DHX8: variants seen among roughly 807,000 people sequenced by gnomAD.
The protein encoded by DHX8 is DEAH-box helicase 8, also known as ATP-dependent RNA helicase DHX8.
A neutral mutation model predicts 140.7 loss-of-function variants in DHX8; 67 were observed. The ratio of observed to expected loss-of-function variants is 0.48; its 90% CI spans 0.39 to 0.58. DHX8 has a LOEUF of 0.58. Ranked by LOEUF, DHX8 falls within the 20% of genes least tolerant of loss-of-function variation. The pLI is 0.00. For missense variants in DHX8, 887 were observed against 1,550.7 expected (o/e 0.57, Z 7.19); for synonymous variants, 533 against 553.2 (o/e 0.96, Z 0.51).
intron 3 of DHX8, among the ~76,000 whole-genome samples, chr17:43,541,698 G>A (rs769621065): frequency 1.4e-3 from 216 of 152,238 alleles, no homozygotes; most frequent in Non-Finnish European, 8.1e-4. Flanking sequence ...GGTGAAGGGG[G>A]TAGAGGCATT....
chr17:43,489,635 G>A, intron 2 of DHX8, 101 bp downstream of exon 2: 1 of 844,028 alleles, frequency 1.2e-6, no homozygotes, highest in South Asian at 1.6e-5. Flanking sequence ...CTGTCGCCTG[G>A]GCTGGAGTGC....
chr17:43,508,245 C>T, intron 15 of DHX8, 94 bp from the exon 16 acceptor site: 1 of 1,488,020 alleles, frequency 6.7e-7, no homozygotes, highest in Non-Finnish European at 9.0e-7. Context: ...TGCATATGTT[C>T]TGTTATTTGA....
At position 43,517,295 on chromosome 17, in the gene DHX8, C is replaced by T. The variant is rs774343183; in HGVS notation, c.2772C>T (p.Asn924=). The T allele has an allele frequency of 6.2e-7, 1 of 1,614,122 alleles. No individual in the cohort carries two copies. Among genetic ancestry groups the T allele is most frequent in the South Asian group, 1.1e-5 (1 of 91,060 alleles). The stretch of plus-strand genomic sequence containing the variant: ...ACGTGCCGGAAATCCAGAGAACCAA[C>T]TTAGCAAGCACAGTGCTGTCACTCA... ...TTNVPEIQRT[N]LASTVLSLKA... Residue 924 remains asparagine (N), a synonymous_variant, in exon 18 of 23, where the codon AAC becomes AAT. Transcript: ENST00000262415.
At chr17:43,512,891 T>G (rs928098992) in intron 16 of DHX8, among the ~76,000 whole-genome samples, 2 of 152,166 alleles carry the variant, frequency 1.3e-5, no homozygotes, top group African/African-American at 4.8e-5. Flanking sequence ...AAAGAAGCAA[T>G]CTCCCTCTTG....
chr17:43,495,514 G>A (rs1968804474), intron 8 of DHX8, among the ~76,000 whole-genome samples: 1 of 152,168 alleles, frequency 6.6e-6, no homozygotes, highest in Non-Finnish European at 1.5e-5. Context: ...TGGGCTCCAA[G>A]TGATTCTCTT....
chr17:43,530,158 A>G, downstream of DHX8: 1 of 1,559,190 alleles, frequency 6.4e-7, no homozygotes, highest in South Asian at 1.2e-5. Flanking sequence ...GTGTGGAGGT[A>G]CATTGATGCG....
downstream of DHX8, chr17:43,528,182 T>G (rs867116796): frequency 3.8e-6 from 1 of 263,228 alleles, no homozygotes; most frequent in Middle Eastern, 1.1e-3. Context: ...GGGAAGCGCC[T>G]TCTCTGTCCC....
chr17:43,500,529 T>C (rs1328139139), intron 11 of DHX8, among the ~76,000 whole-genome samples: 2 of 152,094 alleles, frequency 1.3e-5, no homozygotes, highest in East Asian at 1.9e-4. Context: ...AGTTAGAGCA[T>C]GTTTGGTTTT....
intron 11 of DHX8, among the ~76,000 whole-genome samples, chr17:43,502,313 G>A (rs1969240193): frequency 6.6e-6 from 1 of 152,226 alleles, no homozygotes; most frequent in Non-Finnish European, 1.5e-5. Context: ...AACACTTTGG[G>A]AGGCCGAGGC....
chr17:43,512,374 G>A, intron 16 of DHX8, among the ~76,000 whole-genome samples: 1 of 140,214 alleles, frequency 7.1e-6, no homozygotes. Flanking sequence ...GCAACAGAGT[G>A]AGACTCTATC....
chr17:43,505,187 A>G (rs1166394064), intron 12 of DHX8, among the ~76,000 whole-genome samples: 1 of 152,126 alleles, frequency 6.6e-6, no homozygotes, highest in African/African-American at 2.4e-5. Flanking sequence ...AGGTGGGCGG[A>G]TCACAAGTTC....
intron 16 of DHX8, among the ~76,000 whole-genome samples, chr17:43,509,525 C>G (rs188237029): frequency 6.6e-6 from 1 of 151,298 alleles, no homozygotes; most frequent in African/African-American, 2.4e-5. Context: ...AGTCTGTCAC[C>G]CAAGGTGGAG....
Position 43,540,039 on chromosome 17 carries a change from C to G in DHX8, c.*20+3541C>G, listed in dbSNP as rs114309292. On this transcript the variant is annotated intron_variant, in intron 3 of 3. Coordinates refer to the DHX8 transcript ENST00000589898. ...CAAAGACATCAATGAGACATGAAAT[C>G]CGCTGGCAAGAACAAACAGAAACAC... Among the ~76,000 whole-genome samples the G allele has an allele frequency of 1.7e-3, 257 of 152,282 alleles. 2 individuals carry two copies. The highest frequency in any genetic ancestry group is 5.9e-3 in the African/African-American group (246 of 41,554).
Position 43,485,410 on chromosome 17 carries a change from T to C in DHX8, c.148+1225T>C, listed in dbSNP as rs145333337. Among the ~76,000 whole-genome samples the C allele has an allele frequency of 2.5e-4, 38 of 152,312 alleles. No homozygotes were observed. The East Asian group carries it at 6.6e-3, about 26-fold the overall frequency. On this transcript the variant is annotated intron_variant, in intron 1 of 22. Coordinates refer to ENST00000262415, the MANE Select transcript of DHX8 (RefSeq NM_004941.3). ...ACGATGTCTTCACAGGGTCACCATA[T>C]AGCATTTAGGAAGATGCCCTGCAGC...
downstream of DHX8, among the ~76,000 whole-genome samples, chr17:43,530,607 CGCGTGT>C (rs111721930): frequency 0.045 from 6,190 of 138,686 alleles, 435 homozygotes; most frequent in African/African-American, 0.15. Flanking sequence ...TGTGCACGCG[CGCGTGT>C]GTGTGTGTGT....
intron 1 of DHX8, among the ~76,000 whole-genome samples, chr17:43,484,473 A>G (rs1023369314): frequency 1.3e-5 from 2 of 152,148 alleles, no homozygotes; most frequent in African/African-American, 2.4e-5. Context: ...TTTAACAACA[A>G]CAGCAGCAGA....
chr17:43,532,517 A>T (rs1970996960), intron 2 of DHX8, among the ~76,000 whole-genome samples: 1 of 152,148 alleles, frequency 6.6e-6, no homozygotes, highest in African/African-American at 2.4e-5. Flanking sequence ...AGAAAAAGAA[A>T]GAAAAATAAC....
Position 43,533,443 on chromosome 17 carries a change from CAGG to C in DHX8, c.351-2966_351-2964del, listed in dbSNP as rs543507980. On this transcript the variant is annotated intron_variant, in intron 2 of 3. Coordinates refer to the DHX8 transcript ENST00000589898. ...TAGGAAAGCGAGGTCACAGGGATTA[CAGG>C]AGAAGGAAGGATAGAGGGGGCTGAG... 361 of 1,232,260 alleles carry C rather than the reference CAGG, an allele frequency of 2.9e-4. 4 individuals carry two copies. In the East Asian group the frequency reaches 8.2e-3, roughly 28 times the overall value. The allele number at this position is 1,232,260 out of a possible 1,614,324, so 76.3% of individuals were successfully genotyped here. A position where few individuals can be genotyped will look rare whatever the true frequency, so the allele number is the denominator to read the frequency against.
chr17:43,505,875 A>G (rs1969466813), intron 12 of DHX8, among the ~76,000 whole-genome samples: 1 of 152,030 alleles, frequency 6.6e-6, no homozygotes, highest in South Asian at 2.1e-4. Context: ...TATACAAGCA[A>G]GTACAAATAT....
Sources: allele counts gnomAD v4.1 joint callset (sites outside exome capture counted in the v4.1 genomes callset), GRCh38; gene constraint gnomAD v4.1.1; transcripts MANE v1.5; gene names NCBI Gene and HGNC (gene_info 2026-07-23, HGNC 2026-07-21).